Variants in ADGRA1 observed in about 807,000 individuals in gnomAD.
The protein encoded by ADGRA1 is adhesion G protein-coupled receptor A1, also known as G-protein coupled receptor 123.
A neutral mutation model predicts 21.3 loss-of-function variants in ADGRA1; 12 were observed. That is an observed-to-expected ratio of 0.56 (90% CI 0.36 to 0.91). The LOEUF (loss-of-function observed/expected upper bound fraction) is 0.91, where lower values mean the gene tolerates loss of function less well. ADGRA1 is among the 40% of genes least tolerant of loss of function. ADGRA1 has a pLI of 0.01. For missense variants in ADGRA1, 790 were observed against 805.6 expected (o/e 0.98, Z 0.23); for synonymous variants, 385 against 368.8 (o/e 1.04, Z -0.50).
chr10:133,088,176 G>A (rs1372755804), intron 1 of ADGRA1, 38 bp downstream of exon 1: 9 of 897,388 alleles, frequency 1.0e-5, no homozygotes, highest in African/African-American at 5.4e-5. Context: ...CGGGAGGGAC[G>A]CGCGGGGCCG....
At chr10:133,119,384 C>A (rs1315765899) in intron 5 of ADGRA1, among the ~76,000 whole-genome samples, 3 of 152,226 alleles carry the variant, frequency 2.0e-5, no homozygotes, top group Non-Finnish European at 4.4e-5. Flanking sequence ...GCTGGGGCGG[C>A]TGTGGCAGTT....
intron 5 of ADGRA1, among the ~76,000 whole-genome samples, chr10:133,109,496 C>T (rs1851949294): frequency 6.6e-6 from 1 of 152,316 alleles, no homozygotes; most frequent in African/African-American, 2.4e-5. Flanking sequence ...CTGCCCCTTC[C>T]TGGCCTCACC....
rs1852507646 is a variant in ADGRA1, at chr10:133,130,819, A to G, written c.*1308A>G. On this transcript the variant is annotated 3_prime_UTR_variant, in exon 7 of 7. Coordinates refer to ENST00000392607, the MANE Select transcript of ADGRA1 (RefSeq NM_001083909.3). ...AAACGTGCATATCACACACACGCACACACACCCAAACACGTGCATATCACA... is the reference window on the plus strand; with the variant it reads ...AAACGTGCATATCACACACACGCACGCACACCCAAACACGTGCATATCACA... The G allele has an allele frequency of 6.6e-6, 1 of 151,898 alleles. No homozygotes were observed. Among genetic ancestry groups the G allele is most frequent in the East Asian group, 1.9e-4 (1 of 5,134 alleles). The allele number at this position is 151,898 out of a possible 1,614,324, so 9.4% of individuals were successfully genotyped here.
chr10:133,113,758 T>C (rs957851492), intron 5 of ADGRA1, among the ~76,000 whole-genome samples: 1 of 5,482 alleles, frequency 1.8e-4, no homozygotes, highest in Non-Finnish European at 3.3e-4. Flanking sequence ...TGGGGGTGGG[T>C]GGGAGGGAGC....
At chr10:133,113,311 C>T (rs1489917628) in intron 5 of ADGRA1, among the ~76,000 whole-genome samples, 1 of 152,128 alleles carries the variant, frequency 6.6e-6, no homozygotes, top group African/African-American at 2.4e-5. Flanking sequence ...GGCACCGCGG[C>T]ACTTAGATTC....
rs376468684 is a variant in ADGRA1, at chr10:133,111,667, A to C, written c.401+8825A>C. Among the ~76,000 whole-genome samples the C allele has an allele frequency of 3.7e-3, 19 of 5,068 alleles. 8 individuals carry two copies. The East Asian group carries it at 0.045, about 12-fold the overall frequency. The allele number at this position is 5,068 out of a possible 152,430, so 3.3% of individuals were successfully genotyped here. The stretch of plus-strand genomic sequence containing the variant: ...CACCTCCCTCCTAATCCCACCAGAC[A>C]ACCTGCCCCCCCGGGAACCATCCCT... On this transcript the variant is annotated intron_variant, in intron 5 of 6. Transcript: ENST00000392607.
rs1373833173 is a variant in ADGRA1 at position 133,087,987 on chromosome 10, CG to C, written c.-352del. On this transcript the variant is annotated 5_prime_UTR_variant, in exon 1 of 7. Transcript: ENST00000392607. ...GTGCGCGGGGCTGTGACTCACCGGC[CG>C]GCGCCGCAGCCCCGCAATCTGTTGA... is the stretch of plus-strand genomic sequence containing the variant. The C allele has an allele frequency of 1.3e-5, 13 of 984,778 alleles. 1 individual carries two copies. In the Admixed American group the frequency reaches 5.6e-4, roughly 42 times the overall value. 61.0% of individuals were successfully genotyped at this position (984,778 alleles called of 1,614,324 possible). A position where few individuals can be genotyped will look rare whatever the true frequency, so the allele number is the denominator to read the frequency against.
intron 1 of ADGRA1, chr10:133,088,401 A>ACCCCC (rs1851539642): frequency 6.5e-6 from 1 of 152,990 alleles, no homozygotes; most frequent in Non-Finnish European, 1.4e-5. Flanking sequence ...CCCGGTGCAA[A>ACCCCC]CCCCCCGGCG....
rs772496521 is a variant in ADGRA1, at chr10:133,098,676, C to T, written c.168C>T (p.Leu56=). Residue 56 remains leucine (L), a synonymous_variant, in exon 4 of 7, where the codon CTC becomes CTT. Transcript: ENST00000392607. The part of the protein sequence containing the change: ...IRISRKGRHT[L]LNFCFHAALT... ...TCAGCCGCAAGGGCCGGCACACGCT[C>T]CTGAATTTCTGCTTCCACGCGGCCC... 2 of 1,611,440 alleles carry T rather than the reference C, an allele frequency of 1.2e-6. No homozygotes were observed. Among genetic ancestry groups the T allele is most frequent in the Non-Finnish European group, 1.7e-6 (2 of 1,179,970 alleles).
chr10:133,101,966 G>A (rs543735971), intron 4 of ADGRA1, among the ~76,000 whole-genome samples: 10 of 152,334 alleles, frequency 6.6e-5, no homozygotes, highest in East Asian at 5.8e-4. Flanking sequence ...ATAATGGTGC[G>A]ACGTTAGCTT....
Position 133,128,835 on chromosome 10 carries a change from C to T in ADGRA1, c.1007C>T (p.Ala336Val), listed in dbSNP as rs1591192419. The change falls in exon 7 of 7, where the codon GCC (alanine) becomes GTC (valine). Residue 336 changes from alanine to valine, a missense_variant. Around this residue, in one of 3 missense-constraint regions of ADGRA1, gnomAD observed 391 missense variants for 351.5 expected, o/e 1.11. Transcript: ENST00000392607. Reference protein sequence around the residue: ...DAHPALDANGAALGRAACLHS... With the variant: ...DAHPALDANGVALGRAACLHS... ...CACCCCGCACTTGACGCCAACGGGG[C>T]CGCGCTGGGCCGCGCCGCCTGCCTG... The T allele has an allele frequency of 1.3e-6, 2 of 1,590,778 alleles. No homozygotes were observed. Among genetic ancestry groups the T allele is most frequent in the Non-Finnish European group, 1.7e-6 (2 of 1,171,448 alleles).
In ADGRA1 at chr10:133,130,912, T is replaced by A. The variant is rs1464395312; in HGVS notation, c.*1401T>A. 2.0e-5 allele frequency: 3 copies of A among 152,142 alleles called. No individual in the cohort carries two copies. The East Asian group carries it at 5.8e-4, about 29-fold the overall frequency. 9.4% of individuals were successfully genotyped at this position (152,142 alleles called of 1,614,324 possible). On this transcript the variant is annotated 3_prime_UTR_variant, in exon 7 of 7. Coordinates refer to ENST00000392607, the MANE Select transcript of ADGRA1 (RefSeq NM_001083909.3). ...ACGTGCACACATACTTAACACACACTTGCACCTGCTGTGCACATGTGCACA... is the reference window on the plus strand; with the variant it reads ...ACGTGCACACATACTTAACACACACATGCACCTGCTGTGCACATGTGCACA...
chr10:133,123,639 C>T (rs1054658757), intron 5 of ADGRA1, among the ~76,000 whole-genome samples: 6 of 152,120 alleles, frequency 3.9e-5, no homozygotes, highest in African/African-American at 1.4e-4. Context: ...GGGGATCATC[C>T]GACAGTCGAG....
At chr10:133,124,867 C>T (rs988498530) in intron 5 of ADGRA1, among the ~76,000 whole-genome samples, 70 of 152,320 alleles carry the variant, frequency 4.6e-4, no homozygotes, top group African/African-American at 1.6e-3. Flanking sequence ...CGCGCCTGCA[C>T]GTCCACGGCG....
At chr10:133,091,530 G>A (rs1851595673) in intron 2 of ADGRA1, among the ~76,000 whole-genome samples, 1 of 152,240 alleles carries the variant, frequency 6.6e-6, no homozygotes, top group African/African-American at 2.4e-5. Context: ...TGCCTGGTTA[G>A]CATCTGTGTT....
intron 2 of ADGRA1, chr10:133,093,221 G>A: frequency 6.3e-7 from 1 of 1,591,370 alleles, no homozygotes; most frequent in South Asian, 1.1e-5. Flanking sequence ...CCCCAGGTTT[G>A]AAGAGGTCAC....
At chr10:133,104,518 C>T (rs7094318) in intron 5 of ADGRA1, among the ~76,000 whole-genome samples, 56 of 152,144 alleles carry the variant, frequency 3.7e-4, no homozygotes, top group African/African-American at 1.2e-3. Context: ...CACTGACCGG[C>T]GGACCCAGCG....
intron 5 of ADGRA1, among the ~76,000 whole-genome samples, chr10:133,106,879 G>A (rs12359671): frequency 3.3e-5 from 5 of 152,300 alleles, no homozygotes; most frequent in South Asian, 2.1e-4. Flanking sequence ...CTGGGGCCAC[G>A]CCCGCTCTGA....
At chr10:133,104,947 C>T (rs187693173) in intron 5 of ADGRA1, among the ~76,000 whole-genome samples, 2 of 152,300 alleles carry the variant, frequency 1.3e-5, no homozygotes, top group African/African-American at 2.4e-5. Context: ...CCCCACACCC[C>T]GAAGGTGCTC....
Sources: allele counts gnomAD v4.1 joint callset (sites outside exome capture counted in the v4.1 genomes callset), GRCh38; gene constraint gnomAD v4.1.1; regional missense constraint gnomAD v4.1.1; transcripts MANE v1.5; gene names NCBI Gene and HGNC (gene_info 2026-07-23, HGNC 2026-07-21).